Variants in CLDN10 observed in about 807,000 individuals in gnomAD.
CLDN10 encodes claudin 10, also known as claudin-10.
Under a neutral mutation model 22.9 loss-of-function variants are expected in CLDN10, and 15 were observed. That is an observed-to-expected ratio of 0.65 (90% CI 0.44 to 1.01). CLDN10 has a LOEUF of 1.01. Ranked by LOEUF, CLDN10 falls within the 50% of genes least tolerant of loss-of-function variation. The pLI is 0.00. For synonymous variants in CLDN10, 114 were observed against 111.4 expected (o/e 1.02, Z -0.15); for missense variants, 247 against 287.8 (o/e 0.86, Z 1.03).
intron 3 of CLDN10, among the ~76,000 whole-genome samples, chr13:95,566,019 C>T (rs1052365500): frequency 1.3e-5 from 2 of 152,172 alleles, no homozygotes; most frequent in Non-Finnish European, 2.9e-5. Context: ...TTAATCCAGT[C>T]CATCATTGAT....
intron 1 of CLDN10, among the ~76,000 whole-genome samples, chr13:95,443,533 G>A (rs2042344354): frequency 6.6e-6 from 1 of 152,194 alleles, no homozygotes. Context: ...AAGAACCACG[G>A]TCATTCAGGA....
upstream of CLDN10, among the ~76,000 whole-genome samples, chr13:95,550,774 T>G (rs962655018): frequency 6.6e-5 from 10 of 150,460 alleles, no homozygotes; most frequent in African/African-American, 2.4e-4. Context: ...CAAAGGTGAC[T>G]GATTTGCATA....
chr13:95,452,562 T>C (rs921393988), intron 1 of CLDN10, among the ~76,000 whole-genome samples: 1 of 152,194 alleles, frequency 6.6e-6, no homozygotes, highest in Non-Finnish European at 1.5e-5. Flanking sequence ...GCTCCTCAGC[T>C]GCTGGATTCA....
At chr13:95,435,962 T>A (rs1566644008) in intron 1 of CLDN10, among the ~76,000 whole-genome samples, 1 of 141,666 alleles carries the variant, frequency 7.1e-6, no homozygotes, top group African/African-American at 2.6e-5. Flanking sequence ...GGCCTCATCT[T>A]AAAAAAAAAA....
chr13:95,567,731 C>T (rs909203644), intron 3 of CLDN10, among the ~76,000 whole-genome samples: 1 of 152,136 alleles, frequency 6.6e-6, no homozygotes, highest in African/African-American at 2.4e-5. Context: ...CAGGTTTGCC[C>T]ATTCTGTATG....
chr13:95,452,705 T>G (rs2139079617), intron 1 of CLDN10, among the ~76,000 whole-genome samples: 1 of 152,352 alleles, frequency 6.6e-6, no homozygotes, highest in Non-Finnish European at 1.5e-5. Flanking sequence ...AGCCATAACC[T>G]TCTCGAGATA....
intron 1 of CLDN10, among the ~76,000 whole-genome samples, chr13:95,556,311 G>T (rs977425849): frequency 2.6e-5 from 4 of 152,144 alleles, no homozygotes; most frequent in Admixed American, 2.6e-4. Flanking sequence ...CTCTCAAAGT[G>T]CTGGGATTAC....
intron 1 of CLDN10, among the ~76,000 whole-genome samples, chr13:95,539,717 T>C (rs2043439404): frequency 6.6e-6 from 1 of 152,238 alleles, no homozygotes; most frequent in Non-Finnish European, 1.5e-5. Flanking sequence ...ATATTCCTTT[T>C]TTTTAGAAAA....
intron 4 of CLDN10, 32 bp downstream of exon 4, chr13:95,577,370 A>C: frequency 7.7e-7 from 1 of 1,290,868 alleles, no homozygotes; most frequent in Non-Finnish European, 1.1e-6. Flanking sequence ...GACCTGTTAA[A>C]AAGTAGAATG....
At chr13:95,434,185 G>T (rs1056464802) in intron 1 of CLDN10, 1 of 712,248 alleles carries the variant, frequency 1.4e-6, no homozygotes, top group Non-Finnish European at 2.5e-6. Flanking sequence ...TGCCTAGGAA[G>T]GATGGGGTGT....
intron 3 of CLDN10, among the ~76,000 whole-genome samples, chr13:95,563,848 T>A (rs1043667328): frequency 1.3e-5 from 2 of 152,224 alleles, no homozygotes; most frequent in African/African-American, 4.8e-5. Context: ...ATCAACACCT[T>A]CTAGTAGAGG....
At chr13:95,464,578 T>C (rs2042566818) in intron 1 of CLDN10, among the ~76,000 whole-genome samples, 1 of 152,190 alleles carries the variant, frequency 6.6e-6, no homozygotes, top group Non-Finnish European at 1.5e-5. Flanking sequence ...GCATGTGTCT[T>C]TATAGCAGCA....
chr13:95,512,259 C>CT (rs897475207), intron 1 of CLDN10, among the ~76,000 whole-genome samples: 4 of 122,192 alleles, frequency 3.3e-5, no homozygotes, highest in Non-Finnish European at 7.1e-5. Context: ...ATCGTCTCTC[C>CT]TTTTTTTTTG....
At chr13:95,497,953 TTAAAA>T (rs1202097049) in intron 1 of CLDN10, among the ~76,000 whole-genome samples, 1 of 152,184 alleles carries the variant, frequency 6.6e-6, no homozygotes, top group African/African-American at 2.4e-5. Flanking sequence ...ACATTTTTCT[TTAAAA>T]TAAAAACACA....
intron 3 of CLDN10, among the ~76,000 whole-genome samples, chr13:95,567,802 C>T (rs796817139): frequency 1.4e-4 from 22 of 152,060 alleles, no homozygotes; most frequent in African/African-American, 4.6e-4. Context: ...TCCATCAATA[C>T]GTAGTTTATT....
intron 1 of CLDN10, among the ~76,000 whole-genome samples, chr13:95,535,702 C>T (rs1486629846): frequency 7.9e-5 from 12 of 151,770 alleles, no homozygotes; most frequent in Admixed American, 7.9e-4. Context: ...GTCAGGGAAT[C>T]CCATTATGGA....
rs144602811 is a variant in CLDN10, at chr13:95,508,102, A to T, written c.215-52030A>T. ...GACCCTGTCTTAAAAATAAATAAAT[A>T]AAATAAATAAAAAATAAAGATGACA... is the stretch of plus-strand genomic sequence containing the variant. On this transcript the variant is annotated intron_variant, in intron 1 of 4. Transcript: ENST00000376873. 2.0e-3 allele frequency among the ~76,000 whole-genome samples: 307 copies of T among 152,228 alleles called. 1 individual carries two copies. Among genetic ancestry groups the T allele is most frequent in the African/African-American group, 7.0e-3 (291 of 41,548 alleles).
chr13:95,575,513 T>C (rs2043912113), intron 3 of CLDN10, among the ~76,000 whole-genome samples: 1 of 152,184 alleles, frequency 6.6e-6, no homozygotes, highest in South Asian at 2.1e-4. Flanking sequence ...TTAATGAAAG[T>C]ATCTTTTCTG....
chr13:95,458,974 G>A (rs2042508769), intron 1 of CLDN10, among the ~76,000 whole-genome samples: 1 of 152,170 alleles, frequency 6.6e-6, no homozygotes, highest in Non-Finnish European at 1.5e-5. Flanking sequence ...TGTTACAAAT[G>A]GGAGAAATTG....
Sources: allele counts gnomAD v4.1 joint callset (sites outside exome capture counted in the v4.1 genomes callset), GRCh38; gene constraint gnomAD v4.1.1; transcripts MANE v1.5; gene names NCBI Gene and HGNC (gene_info 2026-07-23, HGNC 2026-07-21).